Variants in GTF2A1 observed in about 807,000 individuals in gnomAD.
The protein encoded by GTF2A1 is transcription initiation factor IIA subunit 1.
GTF2A1 carries 12 observed loss-of-function variants against 54.1 expected under a neutral mutation model. The ratio of observed to expected loss-of-function variants is 0.22; its 90% CI spans 0.14 to 0.36. GTF2A1 has a LOEUF of 0.36. Ranked by LOEUF, GTF2A1 falls within the 10% of genes least tolerant of loss-of-function variation. The pLI is 1.00. For synonymous variants in GTF2A1, 145 were observed against 152.0 expected (o/e 0.95, Z 0.34); for missense variants, 335 against 442.2 (o/e 0.76, Z 2.17).
rs375118953 is a variant in GTF2A1 at position 81,186,000 on chromosome 14, G to A, written c.934-380C>T. Reference sequence around the variant, plus strand: ...CCCCAGTAGCTGGCACTACTGGCACGCGCCACCACACCCAGCTAATTTTTG... The same window carrying A: ...CCCCAGTAGCTGGCACTACTGGCACACGCCACCACACCCAGCTAATTTTTG... On this transcript the variant is annotated intron_variant, in intron 7 of 8. Coordinates refer to ENST00000553612, the MANE Select transcript of GTF2A1 (RefSeq NM_015859.4). 5.3e-5 allele frequency among the ~76,000 whole-genome samples: 8 copies of A among 152,044 alleles called. No homozygotes were observed. In the East Asian group the frequency reaches 1.2e-3, roughly 22 times the overall value.
intron 7 of GTF2A1, among the ~76,000 whole-genome samples, chr14:81,187,680 T>C (rs1261228172): frequency 2.0e-5 from 3 of 152,246 alleles, no homozygotes; most frequent in Non-Finnish European, 4.4e-5. Context: ...TTGTAGCATA[T>C]ACGAATACTT....
At chr14:81,205,322 T>A (rs968013524) in intron 2 of GTF2A1, among the ~76,000 whole-genome samples, 7 of 152,286 alleles carry the variant, frequency 4.6e-5, no homozygotes, top group African/African-American at 1.7e-4. Context: ...ATTCTAGATT[T>A]GTTGTCATGA....
chr14:81,213,663 A>AT (rs1352497487), intron 2 of GTF2A1, among the ~76,000 whole-genome samples: 2 of 152,180 alleles, frequency 1.3e-5, no homozygotes, highest in Non-Finnish European at 2.9e-5. Context: ...TACTTGAACA[A>AT]TTTATATTGT....
chr14:81,217,241 G>A (rs1222130244), intron 1 of GTF2A1, among the ~76,000 whole-genome samples: 2 of 152,220 alleles, frequency 1.3e-5, no homozygotes, highest in African/African-American at 4.8e-5. Context: ...CTTCTAGAAG[G>A]TTGAATGGTA....
intron 3 of GTF2A1, chr14:81,202,653 A>T (rs1347645857): frequency 3.9e-6 from 2 of 514,686 alleles, no homozygotes; most frequent in South Asian, 2.9e-5. Context: ...AAAAAATACA[A>T]ATCAGAAATA....
intron 3 of GTF2A1, chr14:81,202,709 G>C: frequency 1.9e-6 from 1 of 516,554 alleles, no homozygotes. Context: ...GTTTGATTCC[G>C]CAAATTTCAG....
At chr14:81,211,875 T>TCATATATATACATATATATATATA (rs1419902730) in intron 2 of GTF2A1, among the ~76,000 whole-genome samples, 2 of 68,488 alleles carry the variant, frequency 2.9e-5, no homozygotes, top group African/African-American at 5.1e-5. Flanking sequence ...ATCAAGTACT[T>TCATATATATACATATATATATATA]TATATATATA....
chr14:81,185,673 G>GA (rs969621618), intron 7 of GTF2A1, 53 bp from the exon 8 acceptor site: 5,749 of 803,412 alleles, frequency 7.2e-3, no homozygotes, highest in South Asian at 0.01. Context: ...AATATTCACT[G>GA]AAAAAAAAAA....
Position 81,177,230 on chromosome 14 carries a change from G to C in GTF2A1, c.*2993C>G, listed in dbSNP as rs967774343. The C allele has an allele frequency of 2.0e-5, 3 of 152,056 alleles. No individual in the cohort carries two copies. Among genetic ancestry groups the C allele is most frequent in the Non-Finnish European group, 4.4e-5 (3 of 67,940 alleles). The allele number at this position is 152,056 out of a possible 1,614,324, so 9.4% of individuals were successfully genotyped here. A position where few individuals can be genotyped will look rare whatever the true frequency, so the allele number is the denominator to read the frequency against. On this transcript the variant is annotated 3_prime_UTR_variant, in exon 9 of 9. Transcript: ENST00000553612. ...GAAAGTGGCTTTGCTTTTAAAAGAG[G>C]CAACAGTGTAAATGTGACATTATGA...
chr14:81,180,172 T>A lies in GTF2A1; in HGVS notation c.*51A>T, dbSNP rs775154414. 16 of 807,680 alleles carry A rather than the reference T, an allele frequency of 2.0e-5. No homozygotes were observed. In the South Asian group the frequency reaches 2.5e-4, roughly 13 times the overall value. The allele number at this position is 807,680 out of a possible 1,614,324, so 50.0% of individuals were successfully genotyped here. A position where few individuals can be genotyped will look rare whatever the true frequency, so the allele number is the denominator to read the frequency against. On this transcript the variant is annotated 3_prime_UTR_variant, in exon 9 of 9. Coordinates refer to ENST00000553612, the MANE Select transcript of GTF2A1 (RefSeq NM_015859.4). ...ATGCCCCAAGTTTCAAACTGTCCGC[T>A]TTACATTTTTTTTAAGTTTCTTTTA...
intron 7 of GTF2A1, among the ~76,000 whole-genome samples, chr14:81,186,400 T>A (rs1002958075): frequency 2.6e-5 from 4 of 152,156 alleles, no homozygotes; most frequent in Non-Finnish European, 5.9e-5. Flanking sequence ...AATCAGCATG[T>A]TTAGCATGAT....
chr14:81,188,034 T>C (rs1350486404), intron 7 of GTF2A1, among the ~76,000 whole-genome samples: 1 of 152,220 alleles, frequency 6.6e-6, no homozygotes, highest in Non-Finnish European at 1.5e-5. Context: ...AGGTGTAAAG[T>C]GGTTATCTCA....
intron 6 of GTF2A1, among the ~76,000 whole-genome samples, chr14:81,195,081 A>G (rs1251019038): frequency 6.7e-6 from 1 of 149,562 alleles, no homozygotes; most frequent in Non-Finnish European, 1.5e-5. Context: ...CGGGAGTTGC[A>G]GTGAGCTGAG....
chr14:81,196,307 C>T, intron 5 of GTF2A1, 66 bp from the exon 6 acceptor site: 1 of 1,509,426 alleles, frequency 6.6e-7, no homozygotes, highest in African/African-American at 1.4e-5. Context: ...GAAATGAATT[C>T]ATATTTAATT....
At chr14:81,216,318 G>A (rs1385136392) in intron 2 of GTF2A1, 95 bp downstream of exon 2, 7 of 661,122 alleles carry the variant, frequency 1.1e-5, no homozygotes, top group Middle Eastern at 2.5e-4. Flanking sequence ...TCAACTATAC[G>A]TTCATCCTAT....
chr14:81,203,295 G>T (rs1893154361), intron 3 of GTF2A1, among the ~76,000 whole-genome samples: 1 of 152,078 alleles, frequency 6.6e-6, no homozygotes. Context: ...CTTTTTCTTA[G>T]CTTTAATCCA....
At position 81,220,921 on chromosome 14, in the gene GTF2A1, C is replaced by T. The variant is rs1462102256; in HGVS notation, c.-403G>A. 4 of 180,608 alleles carry T rather than the reference C, an allele frequency of 2.2e-5. No individual in the cohort carries two copies. Among genetic ancestry groups the T allele is most frequent in the Non-Finnish European group, 3.4e-5 (3 of 87,746 alleles). The allele number at this position is 180,608 out of a possible 1,614,324, so 11.2% of individuals were successfully genotyped here. A position where few individuals can be genotyped will look rare whatever the true frequency, so the allele number is the denominator to read the frequency against. On this transcript the variant is annotated 5_prime_UTR_variant, in exon 1 of 9. Coordinates refer to ENST00000553612, the MANE Select transcript of GTF2A1 (RefSeq NM_015859.4). ...CTTTATATAGCGAGCCAACAAGCTG[C>T]GCGAGCCACCACCGCCGCCGCCGCC...
intron 1 of GTF2A1, among the ~76,000 whole-genome samples, chr14:81,219,952 T>G (rs1200587959): frequency 6.6e-6 from 1 of 151,950 alleles, no homozygotes; most frequent in Non-Finnish European, 1.5e-5. Context: ...TAAAATGGCC[T>G]CAGAGAAGGT....
chr14:81,192,503 G>T lies in GTF2A1; in HGVS notation c.933+16C>A. 1 of 1,573,820 alleles carries T rather than the reference G, an allele frequency of 6.4e-7. No homozygotes were observed. The highest frequency in any genetic ancestry group is 8.7e-7 in the Non-Finnish European group (1 of 1,155,706). ...TAATCAAGTAGATTATTTTAAGTAT[G>T]TTACTAGAAACTTACTTCTTCCACC... On this transcript the variant is annotated intron_variant, in intron 7 of 8. Transcript: ENST00000553612.
Sources: allele counts gnomAD v4.1 joint callset (sites outside exome capture counted in the v4.1 genomes callset), GRCh38; gene constraint gnomAD v4.1.1; transcripts MANE v1.5; gene names NCBI Gene and HGNC (gene_info 2026-07-23, HGNC 2026-07-21).